Variants in TVP23B observed in about 807,000 individuals in gnomAD.
TVP23B encodes the protein Golgi apparatus membrane protein TVP23 homolog B.
TVP23B carries 10 observed loss-of-function variants against 30.6 expected under a neutral mutation model. That is an observed-to-expected ratio of 0.33 (90% CI 0.20 to 0.55). The LOEUF is 0.55. Ranked by LOEUF, TVP23B falls within the 20% of genes least tolerant of loss-of-function variation. The probability of loss-of-function intolerance (pLI) is 0.91; values close to 1 mark genes in which losing one functional copy is unlikely to be tolerated. For synonymous variants in TVP23B, 67 were observed against 83.1 expected, an observed-to-expected ratio of 0.81 and a Z score of 1.06; for missense variants, 153 against 243.2, an observed-to-expected ratio of 0.63 and a Z score of 2.47.
chr17:18,805,727 T>C lies in TVP23B; in HGVS notation c.*160T>C. 1 of 1,446,642 alleles carries C rather than the reference T, an allele frequency of 6.9e-7. No individual in the cohort carries two copies. The highest frequency in any genetic ancestry group is 9.1e-7 in the Non-Finnish European group (1 of 1,100,962). The allele number at this position is 1,446,642 out of a possible 1,614,324, so 89.6% of individuals were successfully genotyped here. A position where few individuals can be genotyped will look rare whatever the true frequency, so the allele number is the denominator to read the frequency against. On this transcript the variant is annotated 3_prime_UTR_variant, in exon 7 of 7. Transcript: ENST00000307767. Reference sequence around the variant, plus strand: ...AAGGAAAAGTAGTTTTCATATTAAGTTTTTATTTCCTTTCCAGCAGTTGGG... The same window carrying C: ...AAGGAAAAGTAGTTTTCATATTAAGCTTTTATTTCCTTTCCAGCAGTTGGG...
At chr17:18,802,345 T>G (rs2036180691) in intron 5 of TVP23B, among the ~76,000 whole-genome samples, 1 of 152,246 alleles carries the variant, frequency 6.6e-6, no homozygotes, top group South Asian at 2.1e-4. Flanking sequence ...TCATCTCTCA[T>G]GATTAATGAT....
chr17:18,802,681 C>G (rs985284258), intron 5 of TVP23B, among the ~76,000 whole-genome samples: 9 of 152,078 alleles, frequency 5.9e-5, no homozygotes, highest in African/African-American at 1.9e-4. Context: ...CTGTTTGTAC[C>G]TTAAGGGGAG....
intron 1 of TVP23B, among the ~76,000 whole-genome samples, chr17:18,782,994 C>T (rs1448714327): frequency 3.3e-5 from 5 of 149,964 alleles, no homozygotes; most frequent in African/African-American, 1.2e-4. Flanking sequence ...TGGAGTTGTT[C>T]AGGTTCACAT....
intron 5 of TVP23B, 47 bp downstream of exon 5, chr17:18,798,990 T>G (rs766799864): frequency 1.3e-6 from 2 of 1,579,370 alleles, no homozygotes; most frequent in Non-Finnish European, 1.7e-6. Flanking sequence ...AGATGTCTGA[T>G]GGTAATCATA....
rs2036096315 is a variant in TVP23B, at chr17:18,797,649, G to A, written c.311G>A (p.Trp104Ter). The change falls in exon 4 of 7, where the codon TGG becomes TAG. Residue 104 changes from tryptophan to a stop codon, truncating the protein, a stop_gained. Transcript: ENST00000307767. LOFTEE classifies it high-confidence loss of function. ...ATTGATGAAGATGGAAAGAGCCATT[G>A]GGTGTTTGAATCTAGAAAGGTAAAG... ...NHIDEDGKSHWVFESRKESSQ... is the reference protein window; with the variant it reads ...NHIDEDGKSH 6.2e-7 allele frequency: 1 copy of A among 1,601,794 alleles called. No individual in the cohort carries two copies. Among genetic ancestry groups the A allele is most frequent in the African/African-American group, 1.4e-5 (1 of 74,014 alleles).
intron 5 of TVP23B, among the ~76,000 whole-genome samples, chr17:18,800,633 GTTTT>G (rs994641052): frequency 5.5e-4 from 80 of 144,316 alleles, no homozygotes; most frequent in African/African-American, 1.9e-3. Context: ...CTCATAAGGT[GTTTT>G]TTTTTTTAGT....
At chr17:18,791,187 G>GTTTTTTTTTTTTTTTTTT (rs762889436) in intron 3 of TVP23B, 147 bp downstream of exon 3, 3 of 109,202 alleles carry the variant, frequency 2.7e-5, no homozygotes, top group Admixed American at 2.0e-4. Context: ...ATTGCATGTA[G>GTTTTTTTTTTTTTTTTTT]TTTTTTTTTT....
At chr17:18,793,053 C>T (rs1409665205) in intron 3 of TVP23B, among the ~76,000 whole-genome samples, 7 of 150,070 alleles carry the variant, frequency 4.7e-5, no homozygotes, top group Non-Finnish European at 1.0e-4. Context: ...AAAAATCGCA[C>T]ACAAAAAAAT....
chr17:18,787,498 A>G (rs2035926541), intron 1 of TVP23B, among the ~76,000 whole-genome samples: 1 of 151,952 alleles, frequency 6.6e-6, no homozygotes, highest in Non-Finnish European at 1.5e-5. Flanking sequence ...ATACTCTGAG[A>G]TGATTGTTCA....
At chr17:18,781,482 C>G in intron 1 of TVP23B, 177 bp downstream of exon 1, 1 of 1,213,480 alleles carries the variant, frequency 8.2e-7, no homozygotes, top group South Asian at 1.6e-5. Context: ...GGTTCTGAGG[C>G]CGCTGGGGGC....
At chr17:18,803,080 A>G (rs559122780) in intron 5 of TVP23B, among the ~76,000 whole-genome samples, 1 of 152,270 alleles carries the variant, frequency 6.6e-6, no homozygotes, top group South Asian at 2.1e-4. Flanking sequence ...AAAATCAGCT[A>G]TACATCTTGT....
chr17:18,806,175 T>C lies in TVP23B; in HGVS notation c.*608T>C. On this transcript the variant is annotated 3_prime_UTR_variant, in exon 7 of 7. Transcript: ENST00000307767. The stretch of plus-strand genomic sequence containing the variant: ...TTTTATTTTTGTTTGTAAGAAGTCA[T>C]CTATTTAAGGCCCAGTTAATATAAG... The C allele has an allele frequency of 7.1e-6, 6 of 842,034 alleles. No individual in the cohort carries two copies. The highest frequency in any genetic ancestry group is 8.6e-6 in the Non-Finnish European group (6 of 698,574). 52.2% of individuals were successfully genotyped at this position (842,034 alleles called of 1,614,324 possible). A position where few individuals can be genotyped will look rare whatever the true frequency, so the allele number is the denominator to read the frequency against.
At chr17:18,792,225 G>C in intron 3 of TVP23B, among the ~76,000 whole-genome samples, 1 of 151,908 alleles carries the variant, frequency 6.6e-6, no homozygotes, top group Non-Finnish European at 1.5e-5. Flanking sequence ...TAGTACAGAC[G>C]GGGTTTCTCC....
chr17:18,785,669 T>C (rs2035894637), intron 1 of TVP23B, among the ~76,000 whole-genome samples: 1 of 151,774 alleles, frequency 6.6e-6, no homozygotes, highest in Non-Finnish European at 1.5e-5. Flanking sequence ...AGCCCGGGAG[T>C]TTGAGACTAG....
intron 1 of TVP23B, among the ~76,000 whole-genome samples, chr17:18,785,826 C>T (rs547681403): frequency 1.7e-4 from 26 of 151,948 alleles, no homozygotes; most frequent in Non-Finnish European, 2.5e-4. Context: ...AGAGCCAGAC[C>T]CTGTGTCAAA....
intron 1 of TVP23B, among the ~76,000 whole-genome samples, chr17:18,783,014 A>C (rs985552283): frequency 1.3e-5 from 2 of 148,532 alleles, no homozygotes. Context: ...TGCTTCTGAC[A>C]TTTGAACCTG....
chr17:18,792,981 G>A (rs1274002537), intron 3 of TVP23B, among the ~76,000 whole-genome samples: 4 of 152,056 alleles, frequency 2.6e-5, no homozygotes, highest in Non-Finnish European at 5.9e-5. Flanking sequence ...GGCCACAGTG[G>A]AAGAAAGAAT....
intron 3 of TVP23B, among the ~76,000 whole-genome samples, chr17:18,793,484 A>G (rs1363474939): frequency 1.3e-5 from 2 of 149,472 alleles, no homozygotes; most frequent in Non-Finnish European, 3.0e-5. Flanking sequence ...GCGTGGTGGC[A>G]GGTGCCTGTA....
chr17:18,802,575 A>T (rs1204479824), intron 5 of TVP23B, among the ~76,000 whole-genome samples: 1 of 151,742 alleles, frequency 6.6e-6, no homozygotes, highest in African/African-American at 2.4e-5. Flanking sequence ...GTTTGGAGCT[A>T]TGTAGAGCTG....
Sources: gnomAD v4.1 joint callset for allele counts (sites outside exome capture counted in the v4.1 genomes callset) on GRCh38, gnomAD v4.1.1 for gene constraint, MANE v1.5 for transcripts, NCBI Gene and HGNC (gene_info 2026-07-23, HGNC 2026-07-21) for gene names.